OR52N2: variants seen among roughly 807,000 people sequenced by gnomAD.
OR52N2 encodes olfactory receptor family 52 subfamily N member 2.
For synonymous variants in OR52N2, 129 were observed against 72.0 expected (o/e 1.79, Z -4.01); for missense variants, 326 against 196.6 (o/e 1.66, Z -3.94).
chr11:5,813,527 T>TA (rs1169424884), intron 1 of OR52N2, among the ~76,000 whole-genome samples: 3 of 151,926 alleles, frequency 2.0e-5, no homozygotes, highest in South Asian at 2.1e-4. Flanking sequence ...GAATCAGTAA[T>TA]AAAAAATCTC....
At chr11:5,809,882 T>C (rs1471422861) in intron 1 of OR52N2, among the ~76,000 whole-genome samples, 4 of 152,196 alleles carry the variant, frequency 2.6e-5, no homozygotes, top group Non-Finnish European at 5.9e-5. Context: ...GGAGAGGCTA[T>C]CACAATCTGA....
Position 5,815,258 on chromosome 11 carries a change from G to A in OR52N2, c.-54-5024G>A, listed in dbSNP as rs185381718. 2.2e-3 allele frequency among the ~76,000 whole-genome samples: 342 copies of A among 152,084 alleles called. 1 individual carries two copies. The highest frequency in any genetic ancestry group is 8.0e-3 in the African/African-American group (332 of 41,530). On this transcript the variant is annotated intron_variant, in intron 1 of 1. Transcript: ENST00000317037. ...TTTATGAAATTTGTTTTTAAATTGT[G>A]CATCAAAAGATTCTATAAACAAAGT... is the stretch of plus-strand genomic sequence containing the variant.
intron 1 of OR52N2, among the ~76,000 whole-genome samples, chr11:5,816,545 C>CTTTTTTTTTTTTTT (rs1464421774): frequency 1.5e-4 from 22 of 150,672 alleles, no homozygotes; most frequent in African/African-American, 2.0e-4. Context: ...TGATCTAAAT[C>CTTTTTTTTTTTTTT]TTCTTTTTTT....
At chr11:5,814,378 A>G (rs1846386161) in intron 1 of OR52N2, among the ~76,000 whole-genome samples, 1 of 152,034 alleles carries the variant, frequency 6.6e-6, no homozygotes, top group Non-Finnish European at 1.5e-5. Context: ...GAAATTTAGA[A>G]AAAACAATTC....
intron 1 of OR52N2, among the ~76,000 whole-genome samples, chr11:5,815,767 G>A (rs1353311878): frequency 6.6e-6 from 1 of 152,072 alleles, no homozygotes; most frequent in African/African-American, 2.4e-5. Context: ...TTGAAGAGGT[G>A]TCTGCAGTCA....
chr11:5,821,425 G>T lies in OR52N2; in HGVS notation c.*124G>T. 1.7e-6 allele frequency: 1 copy of T among 591,902 alleles called. No homozygotes were observed. Among genetic ancestry groups the T allele is most frequent in the Non-Finnish European group, 3.0e-6 (1 of 333,880 alleles). The allele number at this position is 591,902 out of a possible 1,614,324, so 36.7% of individuals were successfully genotyped here. A position where few individuals can be genotyped will look rare whatever the true frequency, so the allele number is the denominator to read the frequency against. ...ATTTACCCATGTAACAAACTTGCAC[G>T]TGTACCTAAAATAAAAATAGAAATA... On this transcript the variant is annotated 3_prime_UTR_variant, in exon 2 of 2. Coordinates refer to ENST00000317037, the MANE Select transcript of OR52N2 (RefSeq NM_001005174.3).
intron 1 of OR52N2, among the ~76,000 whole-genome samples, chr11:5,811,540 G>T (rs1846360950): frequency 6.6e-6 from 1 of 151,852 alleles, no homozygotes; most frequent in African/African-American, 2.4e-5. Context: ...TAAGACTTGA[G>T]GTAACCACAA....
intron 1 of OR52N2, among the ~76,000 whole-genome samples, chr11:5,816,545 C>CTTTT (rs1464421774): frequency 6.6e-6 from 1 of 150,594 alleles, no homozygotes. Flanking sequence ...TGATCTAAAT[C>CTTTT]TTCTTTTTTT....
At position 5,820,306 on chromosome 11, in the gene OR52N2, G is replaced by A. The variant is rs375579206; in HGVS notation, c.-30G>A. The stretch of plus-strand genomic sequence containing the variant: ...GGCAGAAAGCAATGGCTGCTAAAGA[G>A]TATAAAATGCTCTCCTCCTGTCAGC... On this transcript the variant is annotated 5_prime_UTR_variant, in exon 2 of 2. Transcript: ENST00000317037. 1.7e-5 allele frequency: 13 copies of A among 775,702 alleles called. No homozygotes were observed. Among genetic ancestry groups the A allele is most frequent in the African/African-American group, 3.4e-5 (2 of 59,016 alleles). 48.1% of individuals were successfully genotyped at this position (775,702 alleles called of 1,614,324 possible). A position where few individuals can be genotyped will look rare whatever the true frequency, so the allele number is the denominator to read the frequency against.
Position 5,820,406 on chromosome 11 carries a change from C to T in OR52N2, c.71C>T (p.Ala24Val). ...TTGAATGGCGTTCCTGGGCTGGAAG[C>T]CACACACATCTGGATCTCCCTGCCA... The part of the protein sequence containing the change: ...FILNGVPGLE[A>V]THIWISLPFC... Residue 24 changes from alanine (A) to valine (V), a missense_variant, in exon 2 of 2, where the codon GCC becomes GTC. Ala to Val is a moderately conservative substitution (Grantham distance 64). Coordinates refer to ENST00000317037, the MANE Select transcript of OR52N2 (RefSeq NM_001005174.3). 1 of 780,892 alleles carries T rather than the reference C, an allele frequency of 1.3e-6. No homozygotes were observed. The highest frequency in any genetic ancestry group is 2.4e-6 in the Non-Finnish European group (1 of 418,082). 48.4% of individuals were successfully genotyped at this position (780,892 alleles called of 1,614,324 possible).
intron 1 of OR52N2, among the ~76,000 whole-genome samples, chr11:5,818,268 G>A (rs1336643474): frequency 6.6e-6 from 1 of 152,038 alleles, no homozygotes; most frequent in Non-Finnish European, 1.5e-5. Context: ...ACCAGACTTG[G>A]TGACCATATT....
At chr11:5,813,696 T>C (rs11500474) in intron 1 of OR52N2, among the ~76,000 whole-genome samples, 85,285 of 152,062 alleles carry the variant, frequency 0.56, 26,093 homozygotes, top group South Asian at 0.71. Flanking sequence ...CAGCATTACA[T>C]TGACATCCGC....
rs774423014 is a variant in OR52N2 at position 5,821,075 on chromosome 11, T to G, written c.740T>G (p.Met247Arg). Reference sequence around the variant, plus strand: ...GCCTTCAGCACCTGCACATCTCACATGTGTTCCATTGTGATCACCTATGTT... The same window carrying G: ...GCCTTCAGCACCTGCACATCTCACAGGTGTTCCATTGTGATCACCTATGTT... The part of the protein sequence containing the change: ...HKAFSTCTSH[M>R]CSIVITYVAA... Residue 247 changes from methionine to arginine, a missense_variant, in exon 2 of 2, where the codon ATG (methionine) becomes AGG (arginine). By Grantham distance (91) the Met-to-Arg change is moderately conservative. Coordinates refer to ENST00000317037, the MANE Select transcript of OR52N2 (RefSeq NM_001005174.3). 4 of 781,028 alleles carry G rather than the reference T, an allele frequency of 5.1e-6. No homozygotes were observed. Among genetic ancestry groups the G allele is most frequent in the African/African-American group, 5.1e-5 (3 of 59,274 alleles). The allele number at this position is 781,028 out of a possible 1,614,324, so 48.4% of individuals were successfully genotyped here.
At chr11:5,809,607 A>C (rs1846335992) in intron 1 of OR52N2, among the ~76,000 whole-genome samples, 1 of 152,112 alleles carries the variant, frequency 6.6e-6, no homozygotes, top group African/African-American at 2.4e-5. Flanking sequence ...TAAATCTTTG[A>C]AGAGGAACTC....
Position 5,815,227 on chromosome 11 carries a change from T to G in OR52N2, c.-54-5055T>G, listed in dbSNP as rs925232498. 3.9e-5 allele frequency among the ~76,000 whole-genome samples: 6 copies of G among 152,140 alleles called. No individual in the cohort carries two copies. In the South Asian group the frequency reaches 1.0e-3, roughly 26 times the overall value. ...GAAACAAAAGAAAAAAACAGATAAA[T>G]TAGACTTTATGAAATTTGTTTTTAA... On this transcript the variant is annotated intron_variant, in intron 1 of 1. Coordinates refer to ENST00000317037, the MANE Select transcript of OR52N2 (RefSeq NM_001005174.3).
chr11:5,821,456 T>C lies in OR52N2; in HGVS notation c.*155T>C, dbSNP rs1464745711. The C allele has an allele frequency of 1.7e-6, 1 of 571,680 alleles. No individual in the cohort carries two copies. The highest frequency in any genetic ancestry group is 1.9e-5 in the African/African-American group (1 of 53,216). The allele number at this position is 571,680 out of a possible 1,614,324, so 35.4% of individuals were successfully genotyped here. On this transcript the variant is annotated 3_prime_UTR_variant, in exon 2 of 2. Coordinates refer to ENST00000317037, the MANE Select transcript of OR52N2 (RefSeq NM_001005174.3). The stretch of plus-strand genomic sequence containing the variant: ...CTAAAATAAAAATAGAAATAAAAAA[T>C]CAAAATAAAGACATAAATTTGTAAG...
At chr11:5,812,237 G>A (rs1846367625) in intron 1 of OR52N2, among the ~76,000 whole-genome samples, 1 of 151,956 alleles carries the variant, frequency 6.6e-6, no homozygotes, top group African/African-American at 2.4e-5. Flanking sequence ...GCTCACACCT[G>A]TAATCCCAGC....
chr11:5,814,509 T>C (rs1303740474), intron 1 of OR52N2, among the ~76,000 whole-genome samples: 1 of 152,094 alleles, frequency 6.6e-6, no homozygotes, highest in African/African-American at 2.4e-5. Context: ...AGATTGTTTG[T>C]TATTAATGCA....
chr11:5,820,203 T>C lies in OR52N2; in HGVS notation c.-54-79T>C, dbSNP rs550537807. ...TTTCTGGTTATCAATGTAAGGTGAA[T>C]GTACATGGCACTTGAGGTTCACTTT... On this transcript the variant is annotated intron_variant, in intron 1 of 1. Coordinates refer to ENST00000317037, the MANE Select transcript of OR52N2 (RefSeq NM_001005174.3). 46 of 666,952 alleles carry C rather than the reference T, an allele frequency of 6.9e-5. 1 individual carries two copies. The highest frequency in any genetic ancestry group is 4.3e-4 in the Middle Eastern group (1 of 2,344). 41.3% of individuals were successfully genotyped at this position (666,952 alleles called of 1,614,324 possible). A position where few individuals can be genotyped will look rare whatever the true frequency, so the allele number is the denominator to read the frequency against.
Sources: allele counts gnomAD v4.1 joint callset (sites outside exome capture counted in the v4.1 genomes callset), GRCh38; gene constraint gnomAD v4.1.1; transcripts MANE v1.5; gene names NCBI Gene and HGNC (gene_info 2026-07-23, HGNC 2026-07-21).